TAF2: variants seen among roughly 807,000 people sequenced by gnomAD.
TAF2 encodes TATA-box binding protein associated factor 2, also known as transcription initiation factor TFIID subunit 2.
A neutral mutation model predicts 138.5 loss-of-function variants in TAF2; 61 were observed. The ratio of observed to expected loss-of-function variants is 0.44; its 90% CI spans 0.36 to 0.54. TAF2 has a LOEUF of 0.54. TAF2 is among the 20% of genes least tolerant of loss of function. The pLI, the probability that TAF2 is intolerant of heterozygous loss-of-function variation, is 0.00. For missense variants in TAF2, 1,090 were observed against 1,427.9 expected (o/e 0.76, Z 3.81); for synonymous variants, 475 against 469.9 (o/e 1.01, Z -0.14).
chr8:119,768,439 TCTC>T (rs1821596344), intron 18 of TAF2, among the ~76,000 whole-genome samples: 1 of 152,120 alleles, frequency 6.6e-6, no homozygotes, highest in Admixed American at 6.6e-5. Flanking sequence ...AGGGCACCAT[TCTC>T]CTTCCTCTAC....
chr8:119,828,990 G>A (rs1450716361), intron 2 of TAF2, among the ~76,000 whole-genome samples: 1 of 152,202 alleles, frequency 6.6e-6, no homozygotes, highest in Non-Finnish European at 1.5e-5. Context: ...TAAAAAACAA[G>A]TAGTCAGCCA....
chr8:119,806,343 C>T lies in TAF2; in HGVS notation c.358G>A (p.Asp120Asn), dbSNP rs200684456. ...ATGCAAAGTTCTCCATTTCCTGCATCAGGGTCCACAGCACTAACTGCAGCT... is the reference window on the plus strand; with the variant it reads ...ATGCAAAGTTCTCCATTTCCTGCATTAGGGTCCACAGCACTAACTGCAGCT... ...YAAAVSAVDP[D>N]AGNGELCIKV... The change falls in exon 4 of 26, where the codon GAT becomes AAT. Residue 120 changes from aspartate (D) to asparagine (N), a missense_variant. By Grantham distance (23) the Asp-to-Asn change is conservative. Transcript: ENST00000378164. 1.2e-6 allele frequency: 2 copies of T among 1,614,080 alleles called. No individual in the cohort carries two copies. Among genetic ancestry groups the T allele is most frequent in the East Asian group, 4.5e-5 (2 of 44,876 alleles).
chr8:119,828,980 T>TA (rs1415415478), intron 2 of TAF2, among the ~76,000 whole-genome samples: 4 of 152,200 alleles, frequency 2.6e-5, no homozygotes, highest in African/African-American at 4.8e-5. Context: ...ACATTTCACT[T>TA]AAAAAACAAG....
intron 18 of TAF2, among the ~76,000 whole-genome samples, chr8:119,776,758 T>C (rs979972516): frequency 6.6e-5 from 10 of 152,168 alleles, no homozygotes; most frequent in African/African-American, 2.4e-4. Flanking sequence ...GTTCCTTCTG[T>C]CTAGAACAAT....
At position 119,732,003 on chromosome 8, in the gene TAF2, T is replaced by C. The variant is rs759783724; in HGVS notation, c.3521A>G (p.Lys1174Arg). The change falls in exon 26 of 26, where the codon AAA becomes AGA. Residue 1174 changes from lysine to arginine, a missense_variant. This residue lies in a region of TAF2 where 580 missense variants were observed against 719.6 expected (regional missense o/e 0.81). Coordinates refer to ENST00000378164, the MANE Select transcript of TAF2 (RefSeq NM_003184.4). ...AGTGAAAGGCTCCTTGTCCTTTTCT[T>C]TACTGTCATGCTTATGCTTGTGTTT... ...KHKHKHKHDSKEKDKEPFTFS... is the reference protein window; with the variant it reads ...KHKHKHKHDSREKDKEPFTFS... 6.2e-7 allele frequency: 1 copy of C among 1,614,232 alleles called. No homozygotes were observed. The highest frequency in any genetic ancestry group is 8.5e-7 in the Non-Finnish European group (1 of 1,180,040).
intron 2 of TAF2, among the ~76,000 whole-genome samples, chr8:119,826,262 A>T (rs10096244): frequency 0.35 from 45,911 of 129,506 alleles, 8,214 homozygotes; most frequent in African/African-American, 0.52. Context: ...AAGTATAATT[A>T]AAAAAAAAAA....
chr8:119,737,429 G>A (rs1363131313), intron 25 of TAF2, among the ~76,000 whole-genome samples: 1 of 151,768 alleles, frequency 6.6e-6, no homozygotes, highest in Non-Finnish European at 1.5e-5. Context: ...TATTGAAGCT[G>A]AGTAACAGAT....
chr8:119,783,289 T>C (rs1330733341), intron 16 of TAF2, 92 bp downstream of exon 16: 15 of 1,486,882 alleles, frequency 1.0e-5, no homozygotes, highest in African/African-American at 1.4e-5. Context: ...AGCTACCAAG[T>C]AAATTTAAAG....
At chr8:119,756,251 CTG>C (rs1820695641) in intron 21 of TAF2, 136 bp from the exon 22 acceptor site, 4 of 675,594 alleles carry the variant, frequency 5.9e-6, no homozygotes, top group Non-Finnish European at 1.1e-5. Context: ...AAATCTAGCT[CTG>C]TGTTTATTTA....
intron 9 of TAF2, 109 bp downstream of exon 9, chr8:119,795,423 T>C (rs533675227): frequency 1.1e-6 from 1 of 942,082 alleles, no homozygotes; most frequent in South Asian, 1.4e-5. Context: ...ATTCCCATTT[T>C]GCTGGGAAAA....
intron 3 of TAF2, among the ~76,000 whole-genome samples, chr8:119,810,101 T>TA (rs995914089): frequency 6.6e-6 from 1 of 151,648 alleles, no homozygotes; most frequent in Non-Finnish European, 1.5e-5. Context: ...ATCATACAAT[T>TA]AAAAAAACCA....
At chr8:119,791,986 A>G (rs921028462) in intron 10 of TAF2, 10 of 152,934 alleles carry the variant, frequency 6.5e-5, no homozygotes, top group African/African-American at 2.4e-4. Context: ...AAGGATCATA[A>G]GTAAATTTAG....
intron 8 of TAF2, among the ~76,000 whole-genome samples, chr8:119,795,881 A>T (rs1823789393): frequency 6.6e-6 from 1 of 152,084 alleles, no homozygotes. Context: ...ATAAATTACC[A>T]GAGTACATGC....
intron 2 of TAF2, among the ~76,000 whole-genome samples, chr8:119,827,637 G>T (rs921491192): frequency 1.3e-5 from 2 of 151,962 alleles, no homozygotes; most frequent in African/African-American, 4.8e-5. Context: ...TTAATTAGTA[G>T]ACAATGTATC....
intron 22 of TAF2, among the ~76,000 whole-genome samples, chr8:119,753,598 TAAA>T (rs766128763): frequency 1.8e-4 from 28 of 152,188 alleles, no homozygotes; most frequent in Non-Finnish European, 2.8e-4. Context: ...CAGAGAATTT[TAAA>T]CCAAAGCAGA....
chr8:119,819,447 G>T lies in TAF2; in HGVS notation c.198C>A (p.Asn66Lys). Residue 66 changes from asparagine (N) to lysine (K), a missense_variant, in exon 3 of 26, where the codon AAC (asparagine) becomes AAA (lysine). Transcript: ENST00000378164. ...CTCGGTATATTCTACACTGTTTGCT[G>T]TTCAACTTGATTCTATTCAAGTTTG... ...TVANLNRIKL[N>K]SKQCRIYRVR... 1 of 1,611,550 alleles carries T rather than the reference G, an allele frequency of 6.2e-7. No homozygotes were observed. Among genetic ancestry groups the T allele is most frequent in the Non-Finnish European group, 8.5e-7 (1 of 1,179,338 alleles).
intron 21 of TAF2, among the ~76,000 whole-genome samples, chr8:119,756,824 G>A (rs1820730133): frequency 6.6e-6 from 1 of 152,034 alleles, no homozygotes; most frequent in South Asian, 2.1e-4. Context: ...ATTTGGAAAA[G>A]AAAACATCCA....
chr8:119,831,385 G>A (rs983124377), intron 2 of TAF2, among the ~76,000 whole-genome samples: 23 of 151,794 alleles, frequency 1.5e-4, no homozygotes, highest in Non-Finnish European at 2.9e-4. Context: ...CTTGTTTCAT[G>A]CACAATTATA....
At chr8:119,755,959 A>C in intron 22 of TAF2, 47 bp downstream of exon 22, 1 of 1,402,552 alleles carries the variant, frequency 7.1e-7, no homozygotes, top group Non-Finnish European at 1.0e-6. Flanking sequence ...TGTAAAATCA[A>C]AATACTCTAG....
Sources: allele counts gnomAD v4.1 joint callset (sites outside exome capture counted in the v4.1 genomes callset), GRCh38; gene constraint gnomAD v4.1.1; regional missense constraint gnomAD v4.1.1; transcripts MANE v1.5; gene names NCBI Gene and HGNC (gene_info 2026-07-23, HGNC 2026-07-21).